CAB39: variants seen among roughly 807,000 people sequenced by gnomAD.
CAB39 encodes calcium-binding protein 39.
Under a neutral mutation model 40.0 loss-of-function variants are expected in CAB39, and 8 were observed. That is an observed-to-expected ratio of 0.20 (90% CI 0.12 to 0.36). The LOEUF (loss-of-function observed/expected upper bound fraction) is 0.36, where lower values mean the gene tolerates loss of function less well. Among genes scored for constraint, CAB39 ranks in the 10% least tolerant of loss-of-function variants. CAB39 has a pLI of 1.00. For missense variants in CAB39, 270 were observed against 401.1 expected (o/e 0.67, Z 2.79); for synonymous variants, 156 against 141.6 (o/e 1.10, Z -0.72).
At chr2:230,787,480 A>G (rs2124952820) in intron 2 of CAB39, among the ~76,000 whole-genome samples, 1 of 152,342 alleles carries the variant, frequency 6.6e-6, no homozygotes, top group Admixed American at 6.5e-5. Context: ...AGATTAAATT[A>G]AATAGAAAAA....
intron 5 of CAB39, among the ~76,000 whole-genome samples, chr2:230,808,536 G>A (rs1273510726): frequency 1.3e-5 from 2 of 152,198 alleles, no homozygotes; most frequent in African/African-American, 2.4e-5. Flanking sequence ...ACCACGGTAC[G>A]AAGATAATGG....
chr2:230,729,969 G>T (rs1694657839), intron 1 of CAB39, among the ~76,000 whole-genome samples: 1 of 152,010 alleles, frequency 6.6e-6, no homozygotes, highest in African/African-American at 2.4e-5. Flanking sequence ...ATTTTTCCAG[G>T]TTGAATCAGT....
chr2:230,761,077 C>A (rs1375308458), intron 2 of CAB39, among the ~76,000 whole-genome samples: 2 of 145,742 alleles, frequency 1.4e-5, no homozygotes, highest in Non-Finnish European at 1.5e-5. Flanking sequence ...TTTTTTTTTA[C>A]TTTGGAATAT....
intron 1 of CAB39, among the ~76,000 whole-genome samples, chr2:230,746,365 A>G (rs969093868): frequency 1.3e-5 from 2 of 152,194 alleles, no homozygotes; most frequent in African/African-American, 4.8e-5. Flanking sequence ...TATGTAACAC[A>G]CCTTAATCAA....
At chr2:230,810,992 C>A (rs1696293921) in intron 6 of CAB39, among the ~76,000 whole-genome samples, 1 of 152,198 alleles carries the variant, frequency 6.6e-6, no homozygotes, top group Non-Finnish European at 1.5e-5. Context: ...GTGAAATGAT[C>A]TCTTCCACCA....
intron 1 of CAB39, among the ~76,000 whole-genome samples, chr2:230,747,925 TA>T (rs1189953549): frequency 6.6e-6 from 1 of 152,218 alleles, no homozygotes; most frequent in African/African-American, 2.4e-5. Flanking sequence ...CTGATCAGGA[TA>T]TTTTTTACAT....
At position 230,716,884 on chromosome 2, in the gene CAB39, C is replaced by T. The variant is rs563298686; in HGVS notation, c.-44+3654C>T. On this transcript the variant is annotated intron_variant, in intron 1 of 8. Coordinates refer to ENST00000258418, the MANE Select transcript of CAB39 (RefSeq NM_016289.4). ...GCATGGTGGTGTGTGTGCCTGTTGT[C>T]CTAGCTACTCAAGAGGCTGAGGCAG... is the stretch of plus-strand genomic sequence containing the variant. Among the ~76,000 whole-genome samples, 14 of 152,248 alleles carry T rather than the reference C, an allele frequency of 9.2e-5. No homozygotes were observed. The South Asian group carries it at 2.5e-3, about 27-fold the overall frequency.
intron 1 of CAB39, among the ~76,000 whole-genome samples, chr2:230,749,329 C>T (rs929745525): frequency 1.3e-5 from 2 of 152,030 alleles, no homozygotes; most frequent in East Asian, 3.8e-4. Context: ...TCTGGAGTAA[C>T]ACGTCCCTGG....
At chr2:230,714,986 A>G (rs946928249) in intron 1 of CAB39, among the ~76,000 whole-genome samples, 2 of 152,250 alleles carry the variant, frequency 1.3e-5, no homozygotes, top group Non-Finnish European at 2.9e-5. Flanking sequence ...TCCAAAATTC[A>G]GGGAGTGCTA....
intron 1 of CAB39, among the ~76,000 whole-genome samples, chr2:230,749,417 A>T (rs558503023): frequency 2.0e-5 from 3 of 152,236 alleles, no homozygotes; most frequent in East Asian, 1.9e-4. Context: ...TGATTTTTTT[A>T]AAATACACTT....
intron 2 of CAB39, among the ~76,000 whole-genome samples, chr2:230,786,530 A>G (rs1016683785): frequency 1.7e-4 from 26 of 152,246 alleles, no homozygotes; most frequent in African/African-American, 6.0e-4. Context: ...TGTACCCTTT[A>G]GTTATTCACC....
intron 2 of CAB39, among the ~76,000 whole-genome samples, chr2:230,782,002 C>G (rs1182515275): frequency 6.6e-6 from 1 of 152,152 alleles, no homozygotes; most frequent in African/African-American, 2.4e-5. Context: ...GTAGCCAGGG[C>G]TACAGGCTCA....
chr2:230,787,377 G>T (rs1234855599), intron 2 of CAB39, among the ~76,000 whole-genome samples: 4 of 152,136 alleles, frequency 2.6e-5, no homozygotes, highest in Non-Finnish European at 5.9e-5. Context: ...ATACATATGA[G>T]ATTTTCATAT....
intron 1 of CAB39, among the ~76,000 whole-genome samples, chr2:230,739,814 C>T (rs1407942152): frequency 6.6e-6 from 1 of 152,162 alleles, no homozygotes; most frequent in Non-Finnish European, 1.5e-5. Flanking sequence ...AGTCTTAAAT[C>T]ATGATAAAGT....
intron 4 of CAB39, among the ~76,000 whole-genome samples, chr2:230,797,293 T>C (rs895230399): frequency 2.0e-5 from 3 of 152,232 alleles, no homozygotes; most frequent in African/African-American, 7.2e-5. Flanking sequence ...AGAACTGGGC[T>C]GTCCAATATA....
At chr2:230,771,688 C>T (rs895977023) in intron 2 of CAB39, among the ~76,000 whole-genome samples, 1 of 152,188 alleles carries the variant, frequency 6.6e-6, no homozygotes, top group Non-Finnish European at 1.5e-5. Context: ...AGGGCTCACA[C>T]TGTCTGATTT....
At position 230,819,423 on chromosome 2, in the gene CAB39, C is replaced by G. The variant is rs1266173409; in HGVS notation, c.*719C>G. 4 of 152,624 alleles carry G rather than the reference C, an allele frequency of 2.6e-5. No individual in the cohort carries two copies. Among genetic ancestry groups the G allele is most frequent in the Non-Finnish European group, 4.4e-5 (3 of 68,022 alleles). The allele number at this position is 152,624 out of a possible 1,614,324, so 9.5% of individuals were successfully genotyped here. The stretch of plus-strand genomic sequence containing the variant: ...TCAAAGATACTTTAAAACAGTAGAG[C>G]TAGCAATGACACCTTGCATTTCATT... On this transcript the variant is annotated 3_prime_UTR_variant, in exon 9 of 9. Coordinates refer to ENST00000258418, the MANE Select transcript of CAB39 (RefSeq NM_016289.4).
At chr2:230,748,825 AAAAAAAAT>A (rs1178409159) in intron 1 of CAB39, among the ~76,000 whole-genome samples, 20 of 59,214 alleles carry the variant, frequency 3.4e-4, no homozygotes, top group African/African-American at 1.2e-3. Context: ...AAAAAAAAAA[AAAAAAAAT>A]ATATATATAT....
chr2:230,718,237 A>G (rs1291013332), intron 1 of CAB39, among the ~76,000 whole-genome samples: 1 of 152,248 alleles, frequency 6.6e-6, no homozygotes, highest in African/African-American at 2.4e-5. Flanking sequence ...GAAACAAAAC[A>G]TACATTGTGT....
Sources: gnomAD v4.1 joint callset for allele counts (sites outside exome capture counted in the v4.1 genomes callset) on GRCh38, gnomAD v4.1.1 for gene constraint, MANE v1.5 for transcripts, NCBI Gene and HGNC (gene_info 2026-07-23, HGNC 2026-07-21) for gene names.